The following ZC2HC1B variants were observed in gnomAD, a reference collection of about 807,000 sequenced individuals.
The protein encoded by ZC2HC1B is zinc finger C2HC domain-containing protein 1B.
A neutral mutation model predicts 31.0 loss-of-function variants in ZC2HC1B; 36 were observed. The observed-to-expected ratio is 1.16, with a 90% CI of 0.89 to 1.54. The LOEUF is 1.54. Among genes scored for constraint, ZC2HC1B ranks in the 40% most tolerant of loss-of-function variants. ZC2HC1B has a pLI of 0.00. For synonymous variants in ZC2HC1B, 73 were observed against 88.0 expected, an observed-to-expected ratio of 0.83 and a Z score of 0.95; for missense variants, 260 against 268.6, an observed-to-expected ratio of 0.97 and a Z score of 0.22.
intron 4 of ZC2HC1B, among the ~76,000 whole-genome samples, chr6:143,890,885 T>C (rs1777592878): frequency 1.3e-5 from 2 of 152,180 alleles, no homozygotes; most frequent in South Asian, 4.1e-4. Context: ...ATTCCAGCAC[T>C]TTGGGAGGCC....
At chr6:143,920,153 A>C (rs999339493) in intron 6 of ZC2HC1B, among the ~76,000 whole-genome samples, 1 of 152,164 alleles carries the variant, frequency 6.6e-6, no homozygotes, top group African/African-American at 2.4e-5. Context: ...GAGATAATAC[A>C]TATGAGAATG....
rs187577862 is a variant in ZC2HC1B, at chr6:143,916,809, G to T, written c.598+13657G>T. 2.2e-3 allele frequency among the ~76,000 whole-genome samples: 334 copies of T among 152,346 alleles called. 1 individual carries two copies. Among genetic ancestry groups the T allele is most frequent in the Non-Finnish European group, 1.8e-3 (121 of 68,032 alleles). On this transcript the variant is annotated intron_variant, in intron 6 of 7. Transcript: ENST00000237275. ...TTTACCCAGCACCTGTACCCCCATTGTATCTAGGAAGTAACTAATTTGCTT... is the reference window on the plus strand; with the variant it reads ...TTTACCCAGCACCTGTACCCCCATTTTATCTAGGAAGTAACTAATTTGCTT...
rs908058006 is a variant in ZC2HC1B at position 143,913,276 on chromosome 6, G to C, written c.598+10124G>C. Among the ~76,000 whole-genome samples, 2 of 152,174 alleles carry C rather than the reference G, an allele frequency of 1.3e-5. No homozygotes were observed. The highest frequency in any genetic ancestry group is 2.9e-5 in the Non-Finnish European group (2 of 68,044). On this transcript the variant is annotated intron_variant, in intron 6 of 7. Coordinates refer to ENST00000237275, the MANE Select transcript of ZC2HC1B (RefSeq NM_001013623.3). This position sits in a 1 kb window ranked among gnomAD's most constrained non-coding sequence, Gnocchi z 5.7. ...CTGGCTGTGATCTGGCAAAGCTGCT[G>C]TGTTGTACTTCTAGGGAAACCCTTC...
intron 1 of ZC2HC1B, among the ~76,000 whole-genome samples, chr6:143,875,714 A>G (rs573537762): frequency 1.3e-5 from 2 of 150,664 alleles, no homozygotes; most frequent in South Asian, 2.2e-4. Context: ...AATTTTGTCT[A>G]TAGATCTAGA....
chr6:143,932,418 G>A (rs995671017), intron 6 of ZC2HC1B, among the ~76,000 whole-genome samples: 1 of 152,082 alleles, frequency 6.6e-6, no homozygotes, highest in African/African-American at 2.4e-5. Context: ...AAGCTCTAAA[G>A]TTCTTTCTTC....
At chr6:143,866,862 A>G (rs1424214397) in intron 1 of ZC2HC1B, among the ~76,000 whole-genome samples, 1 of 152,210 alleles carries the variant, frequency 6.6e-6, no homozygotes, top group East Asian at 1.9e-4. Flanking sequence ...GAAATAGAAC[A>G]TAGAAGTCCC....
intron 5 of ZC2HC1B, 76 bp downstream of exon 5, chr6:143,898,767 A>G: frequency 2.0e-6 from 3 of 1,503,266 alleles, no homozygotes; most frequent in Non-Finnish European, 2.7e-6. Context: ...TCCCTAGAGA[A>G]CCTCAGTTAC....
intron 4 of ZC2HC1B, among the ~76,000 whole-genome samples, chr6:143,898,350 G>A (rs1012139518): frequency 1.3e-4 from 20 of 151,924 alleles, no homozygotes; most frequent in African/African-American, 3.4e-4. Flanking sequence ...TTGTAGGGAC[G>A]GGGTTTTGCC....
At chr6:143,920,462 T>G (rs924705582) in intron 6 of ZC2HC1B, among the ~76,000 whole-genome samples, 2 of 152,228 alleles carry the variant, frequency 1.3e-5, no homozygotes, top group Non-Finnish European at 2.9e-5. Context: ...GTATGTGATG[T>G]TAAGCAGAAC....
rs1165605399 is a variant in ZC2HC1B, at chr6:143,908,117, A to C, written c.598+4965A>C. ...GTGCAATCTTATTTCTGGGTTCTCTATTCTGTTCCATTGGTCTCTGAGTCT... is the reference window on the plus strand; with the variant it reads ...GTGCAATCTTATTTCTGGGTTCTCTCTTCTGTTCCATTGGTCTCTGAGTCT... On this transcript the variant is annotated intron_variant, in intron 6 of 7. Coordinates refer to ENST00000237275, the MANE Select transcript of ZC2HC1B (RefSeq NM_001013623.3). The surrounding 1 kb of genome is among the most constrained non-coding windows in gnomAD (Gnocchi z 4.4). Among the ~76,000 whole-genome samples, 1 of 152,058 alleles carries C rather than the reference A, an allele frequency of 6.6e-6. No homozygotes were observed. The highest frequency in any genetic ancestry group is 1.5e-5 in the Non-Finnish European group (1 of 68,006).
At chr6:143,896,515 C>T (rs1473951168) in intron 4 of ZC2HC1B, among the ~76,000 whole-genome samples, 1 of 152,184 alleles carries the variant, frequency 6.6e-6, no homozygotes, top group East Asian at 1.9e-4. Context: ...TTCTATTGTA[C>T]TTTTTTCCTA....
chr6:143,907,012 A>G (rs1777803542), intron 6 of ZC2HC1B, among the ~76,000 whole-genome samples: 1 of 152,080 alleles, frequency 6.6e-6, no homozygotes, highest in South Asian at 2.1e-4. Context: ...GCTCCCACTT[A>G]TAAGTGAGAA....
At position 143,905,054 on chromosome 6, in the gene ZC2HC1B, C is replaced by T. The variant is rs1284717581; in HGVS notation, c.598+1902C>T. On this transcript the variant is annotated intron_variant, in intron 6 of 7. Transcript: ENST00000237275. This position sits in a 1 kb window ranked among gnomAD's most constrained non-coding sequence, Gnocchi z 4.2. The stretch of plus-strand genomic sequence containing the variant: ...AGATTGTTTTGGCTATTTGGGATCC[C>T]TTGAGATTCCATGTGAATTTTAGGT... Among the ~76,000 whole-genome samples the T allele has an allele frequency of 6.6e-6, 1 of 152,146 alleles. No individual in the cohort carries two copies. The highest frequency in any genetic ancestry group is 1.5e-5 in the Non-Finnish European group (1 of 68,020).
At chr6:143,874,927 G>T (rs9484820) in intron 1 of ZC2HC1B, among the ~76,000 whole-genome samples, 1 of 152,092 alleles carries the variant, frequency 6.6e-6, no homozygotes, top group African/African-American at 2.4e-5. Context: ...CCACCTCCCA[G>T]GTTCAAAGGA....
At position 143,887,275 on chromosome 6, in the gene ZC2HC1B, T is replaced by C. The variant is rs2128494091; in HGVS notation, c.349+454T>C. On this transcript the variant is annotated intron_variant, in intron 4 of 7. Coordinates refer to ENST00000237275, the MANE Select transcript of ZC2HC1B (RefSeq NM_001013623.3). The surrounding 1 kb of genome is among the most constrained non-coding windows in gnomAD (Gnocchi z 5.1). ...CATTTTATTTGAAAATTTAAAAATC[T>C]ACAGAAAAGAGGAAGGAATAGTACA... 6.6e-6 allele frequency among the ~76,000 whole-genome samples: 1 copy of C among 152,328 alleles called. No homozygotes were observed. Among genetic ancestry groups the C allele is most frequent in the East Asian group, 1.9e-4 (1 of 5,194 alleles).
intron 1 of ZC2HC1B, among the ~76,000 whole-genome samples, chr6:143,875,792 G>C (rs1191367018): frequency 2.0e-5 from 3 of 150,598 alleles, no homozygotes; most frequent in Non-Finnish European, 4.4e-5. Flanking sequence ...AACTGTCTCA[G>C]GGGAGGCCAT....
intron 4 of ZC2HC1B, among the ~76,000 whole-genome samples, chr6:143,892,250 G>C (rs1173995654): frequency 1.3e-5 from 2 of 151,654 alleles, no homozygotes; most frequent in Admixed American, 1.3e-4. Flanking sequence ...TGTCAAGAGA[G>C]AAAGCAAGAG....
Position 143,926,572 on chromosome 6 carries a change from G to T in ZC2HC1B, c.599-11077G>T, listed in dbSNP as rs138429057. ...AGAATGTTCCATGTGTTGATGAGAA[G>T]AATGTATATTCTGTTGCTATTGGAT... On this transcript the variant is annotated intron_variant, in intron 6 of 7. Coordinates refer to ENST00000237275, the MANE Select transcript of ZC2HC1B (RefSeq NM_001013623.3). Among the ~76,000 whole-genome samples, 4 of 152,114 alleles carry T rather than the reference G, an allele frequency of 2.6e-5. 1 individual carries two copies. The East Asian group carries it at 7.7e-4, about 29-fold the overall frequency.
intron 4 of ZC2HC1B, among the ~76,000 whole-genome samples, chr6:143,893,304 C>G (rs546782398): frequency 6.6e-6 from 1 of 152,188 alleles, no homozygotes; most frequent in Non-Finnish European, 1.5e-5. Context: ...CAATACAACA[C>G]TTGTAATCTC....
Sources: allele counts gnomAD v4.1 joint callset (sites outside exome capture counted in the v4.1 genomes callset), GRCh38; gene constraint gnomAD v4.1.1; non-coding constraint Gnocchi (gnomAD v3.1); transcripts MANE v1.5; gene names NCBI Gene and HGNC (gene_info 2026-07-23, HGNC 2026-07-21).